The following AOPEP variants were observed in gnomAD, a reference collection of about 807,000 sequenced individuals.
AOPEP encodes aminopeptidase O.
In AOPEP, 77 loss-of-function variants were observed where a neutral mutation model predicts 98.1. The observed-to-expected ratio is 0.78, with a 90% CI of 0.65 to 0.95. The LOEUF is 0.95. AOPEP is among the 40% of genes least tolerant of loss of function. The pLI, the probability that AOPEP is intolerant of heterozygous loss-of-function variation, is 0.00. For missense variants in AOPEP, 1,024 were observed against 1,024.7 expected (o/e 1.00, Z 0.01); for synonymous variants, 346 against 365.3 (o/e 0.95, Z 0.60).
chr9:94,931,392 A>G (rs188216413), intron 7 of AOPEP, among the ~76,000 whole-genome samples: 2 of 152,330 alleles, frequency 1.3e-5, no homozygotes, highest in East Asian at 1.9e-4. Context: ...GCACATCAAT[A>G]AGGAAAATAT....
rs1334108373 is a variant in AOPEP, at chr9:95,049,792, C to T, written c.2116-10902C>T. On this transcript the variant is annotated intron_variant, in intron 13 of 16. Coordinates refer to ENST00000375315, the MANE Select transcript of AOPEP (RefSeq NM_001193329.3). ...TCTTAGGTTTTAATCATGTTCATGC[C>T]AACGCCTATGAAAAGACCTACCAGG... 2.0e-5 allele frequency among the ~76,000 whole-genome samples: 3 copies of T among 152,134 alleles called. No individual in the cohort carries two copies. The East Asian group carries it at 5.8e-4, about 29-fold the overall frequency.
chr9:94,731,532 G>C (rs1361316871), intron 1 of AOPEP, among the ~76,000 whole-genome samples: 1 of 151,278 alleles, frequency 6.6e-6, no homozygotes, highest in African/African-American at 2.4e-5. Flanking sequence ...GGCCCAACTT[G>C]TTTTTTTAAA....
chr9:94,790,317 C>A (rs1356778046), intron 3 of AOPEP, among the ~76,000 whole-genome samples: 1 of 152,030 alleles, frequency 6.6e-6, no homozygotes, highest in African/African-American at 2.4e-5. Context: ...CAGGCACGTG[C>A]CATCACACCT....
chr9:94,842,116 C>T (rs1438289749), intron 5 of AOPEP, among the ~76,000 whole-genome samples: 1 of 152,034 alleles, frequency 6.6e-6, no homozygotes, highest in Non-Finnish European at 1.5e-5. Flanking sequence ...AATCCCAGCA[C>T]TTCGGGAGGC....
intron 9 of AOPEP, among the ~76,000 whole-genome samples, chr9:94,965,484 T>A (rs1288541584): frequency 6.6e-6 from 1 of 152,254 alleles, no homozygotes. Context: ...AGTGTAGTGG[T>A]AGCTGTATTT....
the AOPEP span, among the ~76,000 whole-genome samples, chr9:95,095,366 T>C: frequency 2.0e-5 from 3 of 152,186 alleles, no homozygotes; most frequent in African/African-American, 4.8e-5. Flanking sequence ...CACCTGGGCT[T>C]CTGCCACGCT....
chr9:95,076,093 A>G (rs2069033242), intron 14 of AOPEP, among the ~76,000 whole-genome samples: 1 of 152,212 alleles, frequency 6.6e-6, no homozygotes, highest in Non-Finnish European at 1.5e-5. Context: ...GGTGTCCATA[A>G]TACTGTCCCC....
Position 94,899,894 on chromosome 9 carries a change from T to G in AOPEP, c.1365-24092T>G, listed in dbSNP as rs533058544. Among the ~76,000 whole-genome samples the G allele has an allele frequency of 2.3e-4, 35 of 152,324 alleles. 1 individual carries two copies. The South Asian group carries it at 4.3e-3, about 19-fold the overall frequency. On this transcript the variant is annotated intron_variant, in intron 5 of 16. Coordinates refer to ENST00000375315, the MANE Select transcript of AOPEP (RefSeq NM_001193329.3). ...AACTTACTGTCTCTATAATTAGAATTATTGAGTTACTGAGTTAAATCTAGC... is the reference window on the plus strand; with the variant it reads ...AACTTACTGTCTCTATAATTAGAATGATTGAGTTACTGAGTTAAATCTAGC...
At chr9:94,820,717 A>T (rs970643828) in intron 5 of AOPEP, among the ~76,000 whole-genome samples, 1 of 152,176 alleles carries the variant, frequency 6.6e-6, no homozygotes, top group African/African-American at 2.4e-5. Flanking sequence ...TTTATCCTTC[A>T]CTAGTGCTTG....
chr9:95,060,119 G>C (rs919951923), intron 13 of AOPEP, among the ~76,000 whole-genome samples: 1 of 152,238 alleles, frequency 6.6e-6, no homozygotes, highest in Non-Finnish European at 1.5e-5. Context: ...GTGTATAGCT[G>C]CACATATAGT....
intron 14 of AOPEP, among the ~76,000 whole-genome samples, chr9:95,074,951 G>C (rs913728318): frequency 6.6e-6 from 1 of 152,206 alleles, no homozygotes; most frequent in Non-Finnish European, 1.5e-5. Context: ...CCAGGGCAGA[G>C]GTGTGGGTGC....
chr9:94,810,319 GTTT>G, intron 5 of AOPEP, among the ~76,000 whole-genome samples: 1 of 140,538 alleles, frequency 7.1e-6, no homozygotes, highest in Admixed American at 7.1e-5. Flanking sequence ...GGGTTTTTTT[GTTT>G]TTTTTTTTTT....
At chr9:95,147,770 A>C in the AOPEP span, among the ~76,000 whole-genome samples, 1 of 152,208 alleles carries the variant, frequency 6.6e-6, no homozygotes. Flanking sequence ...CAGAGTCTGA[A>C]GAAAAAAAAT....
At position 94,955,896 on chromosome 9, in the gene AOPEP, T is replaced by G. The variant is rs1397247120; in HGVS notation, c.1765-12T>G. ...TAGGCCTCTTTTTCTCTCTCTTTTT[T>G]CTTTCTTCTAGGGCTACTTCCTTCT... On this transcript the variant is annotated splice_polypyrimidine_tract_variant and intron_variant, in intron 8 of 16. Transcript: ENST00000375315. The G allele has an allele frequency of 6.3e-7, 1 of 1,587,916 alleles. No individual in the cohort carries two copies. The highest frequency in any genetic ancestry group is 1.7e-5 in the Admixed American group (1 of 58,260).
intron 3 of AOPEP, among the ~76,000 whole-genome samples, chr9:94,792,027 C>G (rs1845840260): frequency 1.3e-5 from 2 of 152,166 alleles, no homozygotes; most frequent in Non-Finnish European, 2.9e-5. Flanking sequence ...TAAAAAGCCT[C>G]TAAGGTTTGG....
intron 1 of AOPEP, among the ~76,000 whole-genome samples, chr9:94,742,206 G>A (rs1247272820): frequency 2.0e-5 from 3 of 152,168 alleles, no homozygotes; most frequent in Admixed American, 1.3e-4. Flanking sequence ...GAATTTAAAA[G>A]TTGATCATTG....
intron 7 of AOPEP, chr9:94,932,977 G>A: frequency 1.0e-6 from 1 of 985,396 alleles, no homozygotes; most frequent in Non-Finnish European, 1.2e-6. Flanking sequence ...AATGTTAGGG[G>A]TCACATGCCA....
chr9:94,871,776 G>A lies in AOPEP; in HGVS notation c.1365-52210G>A, dbSNP rs146281930. On this transcript the variant is annotated intron_variant, in intron 5 of 16. Transcript: ENST00000375315. Reference sequence around the variant, plus strand: ...AATCCCAGCACTTTCAGAGGCTGAGGCCAGTGGATCACTTGAGCCCAGGAG... The same window carrying A: ...AATCCCAGCACTTTCAGAGGCTGAGACCAGTGGATCACTTGAGCCCAGGAG... Among the ~76,000 whole-genome samples the A allele has an allele frequency of 1.1e-4, 16 of 152,266 alleles. 2 individuals are homozygous for A. The East Asian group carries it at 3.1e-3, about 29-fold the overall frequency.
At chr9:95,095,394 GTC>G in the AOPEP span, among the ~76,000 whole-genome samples, 1 of 152,302 alleles carries the variant, frequency 6.6e-6, no homozygotes, top group Admixed American at 6.5e-5. Flanking sequence ...AGCCCCTGCC[GTC>G]CCGTTCCCTG....
Sources: gnomAD v4.1 joint callset for allele counts (sites outside exome capture counted in the v4.1 genomes callset) on GRCh38, gnomAD v4.1.1 for gene constraint, MANE v1.5 for transcripts, NCBI Gene and HGNC (gene_info 2026-07-23, HGNC 2026-07-21) for gene names.